Variants in TTC3 observed in about 807,000 individuals in gnomAD.
TTC3 encodes E3 ubiquitin-protein ligase TTC3.
TTC3 carries 180 observed loss-of-function variants against 249.6 expected under a neutral mutation model. That is an observed-to-expected ratio of 0.72 (90% confidence interval 0.64 to 0.82). The LOEUF is 0.82. TTC3 is among the 40% of genes least tolerant of loss of function. The probability of loss-of-function intolerance (pLI) is 0.00; values close to 1 mark genes in which losing one functional copy is unlikely to be tolerated. For missense variants in TTC3, 2,061 were observed against 2,398.4 expected, an observed-to-expected ratio of 0.86 and a Z score of 2.94; for synonymous variants, 717 against 805.0, an observed-to-expected ratio of 0.89 and a Z score of 1.85.
At chr21:37,090,991 A>G (rs1460335028) in intron 6 of TTC3, among the ~76,000 whole-genome samples, 1 of 152,228 alleles carries the variant, frequency 6.6e-6, no homozygotes, top group Non-Finnish European at 1.5e-5. Context: ...CTGCTACCCC[A>G]GGCAGTCTGG....
At chr21:37,160,668 T>C (rs184750062) in intron 29 of TTC3, 134 bp from the exon 30 acceptor site, 1 of 843,146 alleles carries the variant, frequency 1.2e-6, no homozygotes, top group Non-Finnish European at 1.9e-6. Context: ...TGATACACTG[T>C]AGTGTTATTT....
intron 35 of TTC3, among the ~76,000 whole-genome samples, chr21:37,176,034 G>A (rs2082256847): frequency 6.6e-6 from 1 of 152,192 alleles, no homozygotes; most frequent in Non-Finnish European, 1.5e-5. Context: ...GCTTCCCAAA[G>A]TGCTGGGAAG....
chr21:37,147,381 T>G (rs187321391), intron 21 of TTC3, 100 bp from the exon 22 acceptor site: 5 of 1,173,264 alleles, frequency 4.3e-6, no homozygotes, highest in African/African-American at 1.6e-5. Flanking sequence ...GTCATTCTTA[T>G]GCTGAAAATA....
At chr21:37,178,193 CTA>C (rs2082435992) in intron 35 of TTC3, among the ~76,000 whole-genome samples, 1 of 152,202 alleles carries the variant, frequency 6.6e-6, no homozygotes, top group African/African-American at 2.4e-5. Context: ...TATTGTATGA[CTA>C]TATCACATTT....
chr21:37,172,621 G>A (rs2081904302), exon 35 of TTC3: 2 of 1,612,758 alleles, frequency 1.2e-6, no homozygotes, highest in African/African-American at 1.3e-5. Flanking sequence ...TTGAAAAGGA[G>A]CACCAAGTAT....
intron 18 of TTC3, among the ~76,000 whole-genome samples, chr21:37,136,747 G>C (rs1424175865): frequency 6.6e-6 from 1 of 152,258 alleles, no homozygotes; most frequent in Non-Finnish European, 1.5e-5. Flanking sequence ...CTAAACAACA[G>C]ATTGTCAATG....
chr21:37,157,639 C>T (rs951118480), intron 28 of TTC3, among the ~76,000 whole-genome samples: 4 of 152,086 alleles, frequency 2.6e-5, no homozygotes, highest in Admixed American at 1.3e-4. Flanking sequence ...GGGCTGTGAA[C>T]GTGAAAGTGG....
Position 37,112,391 on chromosome 21 carries a change from C to T in TTC3, c.900+3945C>T, listed in dbSNP as rs563011102. Among the ~76,000 whole-genome samples the T allele has an allele frequency of 2.6e-5, 4 of 152,270 alleles. No homozygotes were observed. In the East Asian group the frequency reaches 7.7e-4, roughly 29 times the overall value. On this transcript the variant is annotated intron_variant, in intron 11 of 45. Transcript: ENST00000355666. The stretch of plus-strand genomic sequence containing the variant: ...CTGATCCCATGGAAATACAAACTAC[C>T]ATCAGAGAATACTGTAAACACCTCT...
intron 41 of TTC3, 115 bp from the exon 42 acceptor site, chr21:37,195,560 T>A: frequency 7.1e-6 from 10 of 1,400,260 alleles, no homozygotes; most frequent in Non-Finnish European, 9.7e-6. Flanking sequence ...TCAGGTTTCC[T>A]GTGCACGGAG....
chr21:37,175,724 A>G (rs1602000442), intron 35 of TTC3, among the ~76,000 whole-genome samples: 1 of 151,972 alleles, frequency 6.6e-6, no homozygotes, highest in Non-Finnish European at 1.5e-5. Context: ...TCTTTAGGCA[A>G]TTAGGCCAGT....
chr21:37,074,930 C>T (rs974467378), intron 1 of TTC3, among the ~76,000 whole-genome samples: 2 of 152,078 alleles, frequency 1.3e-5, no homozygotes, highest in African/African-American at 4.8e-5. Context: ...ATTTTACAGA[C>T]GTGATTATTT....
At chr21:37,150,092 A>G (rs778227226) in exon 24 of TTC3, 39 of 1,609,230 alleles carry the variant, frequency 2.4e-5, no homozygotes, top group Non-Finnish European at 3.3e-5. Context: ...TTCTACAAGG[A>G]ATATGTCTTA....
intron 22 of TTC3, among the ~76,000 whole-genome samples, chr21:37,148,107 C>A (rs570236594): frequency 6.6e-6 from 1 of 152,134 alleles, no homozygotes; most frequent in East Asian, 1.9e-4. Flanking sequence ...GGGGTAGTGA[C>A]CTGAGAAGGC....
intron 35 of TTC3, among the ~76,000 whole-genome samples, chr21:37,178,111 G>T (rs1432922696): frequency 1.1e-4 from 16 of 152,092 alleles, no homozygotes; most frequent in Non-Finnish European, 2.2e-4. Flanking sequence ...TGTTTTCAAG[G>T]TTCATCCATG....
chr21:37,126,926 C>T (rs1281530632), intron 15 of TTC3, among the ~76,000 whole-genome samples: 2 of 151,614 alleles, frequency 1.3e-5, no homozygotes, highest in South Asian at 2.1e-4. Flanking sequence ...ATGATCTGGG[C>T]TCTCTGCAGC....
At chr21:37,078,830 C>T (rs7275582) in intron 1 of TTC3, among the ~76,000 whole-genome samples, 69,302 of 151,878 alleles carry the variant, frequency 0.46, 16,333 homozygotes, top group Non-Finnish European at 0.52. Flanking sequence ...TTTATACTTA[C>T]GTTCAATGGA....
At chr21:37,090,686 C>T (rs1055550497) in intron 6 of TTC3, 1 of 249,292 alleles carries the variant, frequency 4.0e-6, no homozygotes, top group African/African-American at 2.3e-5. Context: ...TCTATGTTTA[C>T]CTTAAGCCCA....
chr21:37,085,013 C>T (rs140536583), intron 1 of TTC3, among the ~76,000 whole-genome samples: 1 of 104,424 alleles, frequency 9.6e-6, no homozygotes, highest in Admixed American at 9.0e-5. Flanking sequence ...ACAAACAAAC[C>T]AAAACAAAAT....
intron 12 of TTC3, among the ~76,000 whole-genome samples, chr21:37,122,437 T>TTA (rs1555879562): frequency 0.012 from 341 of 28,536 alleles, 5 homozygotes; most frequent in African/African-American, 0.027. Flanking sequence ...TATATATATA[T>TTA]TATATATATA....
Sources: allele counts gnomAD v4.1 joint callset (sites outside exome capture counted in the v4.1 genomes callset), GRCh38; gene constraint gnomAD v4.1.1; transcripts MANE v1.5; gene names NCBI Gene and HGNC (gene_info 2026-07-23, HGNC 2026-07-21).